The following LYPD6 variants were observed in gnomAD, a reference collection of about 807,000 sequenced individuals.
The protein encoded by LYPD6 is LY6/PLAUR domain containing 6.
LYPD6 carries 15 observed loss-of-function variants against 22.7 expected under a neutral mutation model. The ratio of observed to expected loss-of-function variants is 0.66; its 90% confidence interval spans 0.44 to 1.02. LYPD6 has a LOEUF of 1.02. LYPD6 is among the 50% of genes least tolerant of loss of function. LYPD6 has a pLI of 0.00. For synonymous variants in LYPD6, 72 were observed against 77.5 expected (o/e 0.93, Z 0.37); for missense variants, 189 against 208.4 (o/e 0.91, Z 0.57).
At chr2:149,381,131 G>A (rs2105087680) in intron 1 of LYPD6, among the ~76,000 whole-genome samples, 1 of 152,266 alleles carries the variant, frequency 6.6e-6, no homozygotes, top group South Asian at 2.1e-4. Flanking sequence ...AATGGAAGAA[G>A]AGGAACTGGA....
At chr2:149,431,090 A>T (rs1197479764) in intron 1 of LYPD6, among the ~76,000 whole-genome samples, 1 of 152,232 alleles carries the variant, frequency 6.6e-6, no homozygotes, top group Admixed American at 6.5e-5. Context: ...AACTCATGCA[A>T]AGGTAATTTA....
rs999967510 is a variant in LYPD6, at chr2:149,341,032, G to C, written c.-72+10310G>C. On this transcript the variant is annotated intron_variant, in intron 1 of 4. Coordinates refer to ENST00000334166, the MANE Select transcript of LYPD6 (RefSeq NM_194317.5). Reference sequence around the variant, plus strand: ...CCATTTAAAAATACTGACTTTAATAGAAGTAATATCCTGCGTTTATATAGT... The same window carrying C: ...CCATTTAAAAATACTGACTTTAATACAAGTAATATCCTGCGTTTATATAGT... Among the ~76,000 whole-genome samples, 36 of 152,246 alleles carry C rather than the reference G, an allele frequency of 2.4e-4. 1 individual carries two copies. Among genetic ancestry groups the C allele is most frequent in the Admixed American group, 2.4e-3 (36 of 15,290 alleles).
intron 1 of LYPD6, among the ~76,000 whole-genome samples, chr2:149,364,260 C>CT (rs1681620859): frequency 6.6e-6 from 1 of 152,154 alleles, no homozygotes; most frequent in Non-Finnish European, 1.5e-5. Flanking sequence ...ATTTGATTCT[C>CT]TTTTTCCCTG....
Position 149,449,144 on chromosome 2 carries a change from C to A in LYPD6, c.214C>A (p.Arg72=). 1 of 1,609,444 alleles carries A rather than the reference C, an allele frequency of 6.2e-7. No individual in the cohort carries two copies. Among genetic ancestry groups the A allele is most frequent in the South Asian group, 1.1e-5 (1 of 90,472 alleles). ...ATGGGCTCCAGACATCTACTGCCCT[C>A]GAGGTAAACTCTCAGTAGACTGATT... ...NRWAPDIYCP[R]ETRYCYTQHT... is the part of the protein sequence containing the mutation. Residue 72 remains arginine, a synonymous_variant, in exon 3 of 5, where the codon CGA becomes AGA. Coordinates refer to ENST00000334166, the MANE Select transcript of LYPD6 (RefSeq NM_194317.5).
chr2:149,365,427 G>C lies in LYPD6; in HGVS notation c.-72+34705G>C, dbSNP rs184019709. ...TGTAGGTCTTCTGATTTCAAGTTCA[G>C]AGTTTCCAGTGTTGTGTCAGAACCT... On this transcript the variant is annotated intron_variant, in intron 1 of 4. Transcript: ENST00000334166. 1.3e-3 allele frequency among the ~76,000 whole-genome samples: 201 copies of C among 152,318 alleles called. No individual in the cohort carries two copies. The Middle Eastern group carries it at 0.017, about 13-fold the overall frequency.
chr2:149,384,959 T>C (rs1391718416), intron 1 of LYPD6, among the ~76,000 whole-genome samples: 3 of 148,122 alleles, frequency 2.0e-5, no homozygotes, highest in Non-Finnish European at 1.5e-5. Flanking sequence ...AATTCCCACC[T>C]GTGAGTGAGA....
chr2:149,382,070 T>C (rs903815590), intron 1 of LYPD6, among the ~76,000 whole-genome samples: 4 of 152,168 alleles, frequency 2.6e-5, no homozygotes, highest in Non-Finnish European at 4.4e-5. Flanking sequence ...TAGTCCAGTG[T>C]ATAGCAAGTT....
intron 1 of LYPD6, among the ~76,000 whole-genome samples, chr2:149,369,655 G>T (rs764642012): frequency 1.3e-5 from 2 of 152,184 alleles, no homozygotes; most frequent in Non-Finnish European, 2.9e-5. Flanking sequence ...TAGGAAGACA[G>T]TGGCAGGAAG....
chr2:149,429,906 C>CA (rs747049598), intron 1 of LYPD6, among the ~76,000 whole-genome samples: 4 of 152,130 alleles, frequency 2.6e-5, no homozygotes, highest in Non-Finnish European at 4.4e-5. Context: ...CATGGTGTCT[C>CA]AGAGTTTCAG....
chr2:149,405,140 A>G (rs552953782), intron 1 of LYPD6, among the ~76,000 whole-genome samples: 2 of 152,082 alleles, frequency 1.3e-5, no homozygotes, highest in East Asian at 3.8e-4. Context: ...GTTTGCCAGT[A>G]TTTTATTGAG....
chr2:149,432,675 G>A (rs1683342671), intron 1 of LYPD6, among the ~76,000 whole-genome samples: 1 of 152,192 alleles, frequency 6.6e-6, no homozygotes, highest in African/African-American at 2.4e-5. Context: ...TACCCTATGA[G>A]CACGTTGCCT....
At chr2:149,378,351 C>T (rs1414736750) in intron 1 of LYPD6, among the ~76,000 whole-genome samples, 1 of 152,164 alleles carries the variant, frequency 6.6e-6, no homozygotes, top group Admixed American at 6.5e-5. Flanking sequence ...CTCCTTGGCT[C>T]AAGCTGTCCA....
At chr2:149,416,867 C>G (rs1359939725) in intron 1 of LYPD6, among the ~76,000 whole-genome samples, 1 of 152,210 alleles carries the variant, frequency 6.6e-6, no homozygotes, top group East Asian at 1.9e-4. Context: ...TTCTAGTGTT[C>G]TGTGAGGCCT....
chr2:149,384,792 A>G (rs1559132940), intron 1 of LYPD6, among the ~76,000 whole-genome samples: 1 of 151,882 alleles, frequency 6.6e-6, no homozygotes, highest in Non-Finnish European at 1.5e-5. Context: ...GGTTAGTTAC[A>G]TATGTATACA....
intron 1 of LYPD6, among the ~76,000 whole-genome samples, chr2:149,398,229 T>A (rs1682468049): frequency 6.6e-6 from 1 of 152,174 alleles, no homozygotes; most frequent in African/African-American, 2.4e-5. Context: ...AGCAGGGATT[T>A]TTTTCTCTTT....
At chr2:149,447,505 G>A (rs1438433968) in intron 2 of LYPD6, among the ~76,000 whole-genome samples, 2 of 152,166 alleles carry the variant, frequency 1.3e-5, no homozygotes, top group Non-Finnish European at 2.9e-5. Flanking sequence ...ATGGACATGG[G>A]TCCGAAAGGC....
intron 1 of LYPD6, among the ~76,000 whole-genome samples, chr2:149,347,637 A>C (rs996466429): frequency 2.6e-5 from 4 of 152,122 alleles, no homozygotes; most frequent in Admixed American, 2.6e-4. Flanking sequence ...TTCCTTTTTC[A>C]TATTTTTTGA....
At chr2:149,459,321 A>G (rs916384640) in intron 3 of LYPD6, among the ~76,000 whole-genome samples, 3 of 152,210 alleles carry the variant, frequency 2.0e-5, no homozygotes, top group African/African-American at 7.2e-5. Flanking sequence ...ATGTGAAGAA[A>G]TTAAGACATT....
chr2:149,392,410 A>G (rs1459075759), intron 1 of LYPD6, among the ~76,000 whole-genome samples: 2 of 152,196 alleles, frequency 1.3e-5, no homozygotes, highest in East Asian at 1.9e-4. Flanking sequence ...CAACAAGGTT[A>G]TAGAAAACAA....
Sources: gnomAD v4.1 joint callset for allele counts (sites outside exome capture counted in the v4.1 genomes callset) on GRCh38, gnomAD v4.1.1 for gene constraint, MANE v1.5 for transcripts, NCBI Gene and HGNC (gene_info 2026-07-23, HGNC 2026-07-21) for gene names.